SLC25A33: variants seen among roughly 807,000 people sequenced by gnomAD.
SLC25A33 encodes solute carrier family 25 member 33.
Under a neutral mutation model 35.5 loss-of-function variants are expected in SLC25A33, and 15 were observed. The observed-to-expected ratio is 0.42, with a 90% CI of 0.28 to 0.65. The LOEUF (loss-of-function observed/expected upper bound fraction) is 0.65. Among genes scored for constraint, SLC25A33 ranks in the 30% least tolerant of loss-of-function variants. The probability of loss-of-function intolerance (pLI) is 0.20; values close to 1 mark genes in which losing one functional copy is unlikely to be tolerated. For synonymous variants in SLC25A33, 136 were observed against 148.7 expected (o/e 0.91, Z 0.62); for missense variants, 257 against 398.5 (o/e 0.64, Z 3.02).
In SLC25A33 at chr1:9,578,166, C is replaced by T. The variant is rs890099754; in HGVS notation, c.483-1788C>T. 2.0e-5 allele frequency among the ~76,000 whole-genome samples: 3 copies of T among 152,200 alleles called. No individual in the cohort carries two copies. Among genetic ancestry groups the T allele is most frequent in the African/African-American group, 4.8e-5 (2 of 41,458 alleles). ...ATCTCCTGACCTCGTGATCTGCCCA[C>T]CTCAGCCTCCCAAAGTGCTGGGAAT... On this transcript the variant is annotated intron_variant, in intron 5 of 6. Transcript: ENST00000302692. This position sits in a 1 kb window ranked among gnomAD's most constrained non-coding sequence, Gnocchi z 4.3.
chr1:9,556,605 C>G (rs1428197194), intron 2 of SLC25A33, among the ~76,000 whole-genome samples: 1 of 152,108 alleles, frequency 6.6e-6, no homozygotes, highest in East Asian at 1.9e-4. Context: ...GATTTTAGAA[C>G]ATTTTGGATT....
At chr1:9,572,736 C>CT (rs1040121015) in intron 4 of SLC25A33, among the ~76,000 whole-genome samples, 13 of 151,942 alleles carry the variant, frequency 8.6e-5, no homozygotes, top group Non-Finnish European at 1.9e-4. Flanking sequence ...CATGGTGTTG[C>CT]TTTTTTTGGT....
chr1:9,552,798 C>T (rs1643284010), intron 1 of SLC25A33, among the ~76,000 whole-genome samples: 1 of 151,768 alleles, frequency 6.6e-6, no homozygotes, highest in African/African-American at 2.4e-5. Flanking sequence ...TAAAAGGGCA[C>T]TCAGAATACC....
At chr1:9,553,847 T>C (rs1643304024) in intron 2 of SLC25A33, 42 bp downstream of exon 2, 1 of 1,564,420 alleles carries the variant, frequency 6.4e-7, no homozygotes, top group South Asian at 1.1e-5. Context: ...GCACACCCTG[T>C]ACCGCCACTG....
rs1400568578 is a variant in SLC25A33 at position 9,578,963 on chromosome 1, C to T, written c.483-991C>T. Among the ~76,000 whole-genome samples, 1 of 152,218 alleles carries T rather than the reference C, an allele frequency of 6.6e-6. No homozygotes were observed. Among genetic ancestry groups the T allele is most frequent in the Non-Finnish European group, 1.5e-5 (1 of 68,048 alleles). On this transcript the variant is annotated intron_variant, in intron 5 of 6. Coordinates refer to ENST00000302692, the MANE Select transcript of SLC25A33 (RefSeq NM_032315.3). This position sits in a 1 kb window ranked among gnomAD's most constrained non-coding sequence, Gnocchi z 4.3. ...CCTGCAGCTCTTTCTAAAATTAGGT[C>T]AAATGCTAATGTTTTTATGAACATG...
chr1:9,560,890 A>T (rs1446864824), intron 2 of SLC25A33, among the ~76,000 whole-genome samples: 1 of 152,012 alleles, frequency 6.6e-6, no homozygotes, highest in Non-Finnish European at 1.5e-5. Context: ...AAAAAATAAA[A>T]ATCTTCTGGC....
At chr1:9,543,821 C>T (rs1416135712) in intron 1 of SLC25A33, among the ~76,000 whole-genome samples, 1 of 152,110 alleles carries the variant, frequency 6.6e-6, no homozygotes, top group Admixed American at 6.6e-5. Flanking sequence ...AGATTTTAAA[C>T]TAGGCCAGGT....
chr1:9,559,457 C>T (rs894720243), intron 2 of SLC25A33, among the ~76,000 whole-genome samples: 3 of 151,560 alleles, frequency 2.0e-5, no homozygotes, highest in Non-Finnish European at 4.4e-5. Flanking sequence ...AAGCTGCTGT[C>T]ATTATAATAG....
intron 1 of SLC25A33, among the ~76,000 whole-genome samples, chr1:9,546,174 ATTTT>A (rs746460317): frequency 9.9e-6 from 1 of 100,518 alleles, no homozygotes; most frequent in African/African-American, 4.6e-5. Flanking sequence ...ACACAGAGAA[ATTTT>A]TTTTTTTTTT....
At position 9,578,921 on chromosome 1, in the gene SLC25A33, G is replaced by A. The variant is rs760767670; in HGVS notation, c.483-1033G>A. On this transcript the variant is annotated intron_variant, in intron 5 of 6. Transcript: ENST00000302692. This position sits in a 1 kb window ranked among gnomAD's most constrained non-coding sequence, Gnocchi z 4.3. ...TGTTTTGCAGTTGTAGTTCCTCTGTGATGAGCCTTACTGCTCCCTGCAGCT... is the reference window on the plus strand; with the variant it reads ...TGTTTTGCAGTTGTAGTTCCTCTGTAATGAGCCTTACTGCTCCCTGCAGCT... Among the ~76,000 whole-genome samples the A allele has an allele frequency of 5.3e-5, 8 of 152,336 alleles. No homozygotes were observed. Among genetic ancestry groups the A allele is most frequent in the Middle Eastern group, 3.4e-3 (1 of 294 alleles).
intron 5 of SLC25A33, among the ~76,000 whole-genome samples, chr1:9,575,226 A>T (rs1436665924): frequency 5.3e-5 from 8 of 151,498 alleles, no homozygotes; most frequent in South Asian, 2.1e-4. Flanking sequence ...AAAAAAAAAA[A>T]AAAAAAAAAT....
At chr1:9,555,013 A>G (rs1643319608) in intron 2 of SLC25A33, among the ~76,000 whole-genome samples, 1 of 152,148 alleles carries the variant, frequency 6.6e-6, no homozygotes, top group African/African-American at 2.4e-5. Context: ...AAAGACATTC[A>G]TCAAGAAAGC....
At chr1:9,540,992 T>C (rs1304908095) in intron 1 of SLC25A33, among the ~76,000 whole-genome samples, 1 of 152,056 alleles carries the variant, frequency 6.6e-6, no homozygotes, top group East Asian at 1.9e-4. Flanking sequence ...CTTCCTTTTT[T>C]TTTTTGAGAG....
At chr1:9,574,055 A>G (rs1389668578) in intron 5 of SLC25A33, among the ~76,000 whole-genome samples, 1 of 150,654 alleles carries the variant, frequency 6.6e-6, no homozygotes, top group African/African-American at 2.4e-5. Context: ...CAGTGGTCCA[A>G]TCTTGGCTCA....
intron 2 of SLC25A33, among the ~76,000 whole-genome samples, chr1:9,560,073 G>A (rs192749537): frequency 6.6e-6 from 1 of 152,134 alleles, no homozygotes; most frequent in Admixed American, 6.5e-5. Flanking sequence ...CCAACATGGC[G>A]AAACCTCGTC....
intron 1 of SLC25A33, among the ~76,000 whole-genome samples, chr1:9,547,103 G>A (rs1054149572): frequency 6.6e-6 from 1 of 152,194 alleles, no homozygotes; most frequent in Non-Finnish European, 1.5e-5. Flanking sequence ...ACATGCTTCA[G>A]TGAGTCAGGC....
At chr1:9,571,239 C>A (rs1252843471) in intron 4 of SLC25A33, among the ~76,000 whole-genome samples, 1 of 152,162 alleles carries the variant, frequency 6.6e-6, no homozygotes, top group East Asian at 1.9e-4. Context: ...GGGACTTCTT[C>A]CCCGGGATGT....
chr1:9,550,663 T>TA (rs984874494), intron 1 of SLC25A33, among the ~76,000 whole-genome samples: 6 of 151,996 alleles, frequency 3.9e-5, no homozygotes, highest in Admixed American at 3.9e-4. Flanking sequence ...TTTTTATTTT[T>TA]ATTAATTAAT....
rs774668362 is a variant in SLC25A33, at chr1:9,582,320, G to A, written c.785G>A (p.Arg262Gln). The part of the protein sequence containing the change: ...YPHEVIRTRL[R>Q]EEGTKYKSFV... ...GCAGAAGTCATAAGGACGAGGCTCC[G>A]GGAAGAGGGCACCAAGTACAAGTCT... is the stretch of plus-strand genomic sequence containing the variant. Residue 262 changes from arginine (R) to glutamine (Q), a missense_variant, in exon 7 of 7, where the codon CGG becomes CAG. By Grantham distance (43) the Arg-to-Gln change is conservative. Coordinates refer to ENST00000302692, the MANE Select transcript of SLC25A33 (RefSeq NM_032315.3). The surrounding 1 kb of genome is among the most constrained non-coding windows in gnomAD (Gnocchi z 4.0). 4.3e-6 allele frequency: 7 copies of A among 1,613,926 alleles called. No homozygotes were observed. In the Admixed American group the frequency reaches 5.0e-5, roughly 12 times the overall value.
Sources: allele counts gnomAD v4.1 joint callset (sites outside exome capture counted in the v4.1 genomes callset), GRCh38; gene constraint gnomAD v4.1.1; non-coding constraint Gnocchi (gnomAD v3.1); transcripts MANE v1.5; gene names NCBI Gene and HGNC (gene_info 2026-07-23, HGNC 2026-07-21).